CECR2: variants seen among roughly 807,000 people sequenced by gnomAD.
CECR2 encodes the protein CECR2 histone acetyl-lysine reader.
A neutral mutation model predicts 154.5 loss-of-function variants in CECR2; 30 were observed. The observed-to-expected ratio is 0.19, with a 90% confidence interval of 0.15 to 0.26. The LOEUF is 0.26. Ranked by LOEUF, CECR2 falls within the 10% of genes least tolerant of loss-of-function variation. CECR2 has a pLI of 1.00. For missense variants in CECR2, 1,743 were observed against 1,829.3 expected, an observed-to-expected ratio of 0.95 and a Z score of 0.86; for synonymous variants, 725 against 683.7, an observed-to-expected ratio of 1.06 and a Z score of -0.94.
In CECR2 at chr22:17,548,941, C is replaced by G; in HGVS notation, c.3654C>G (p.Pro1218=). The change falls in exon 17 of 19, where the codon CCC becomes CCG. Residue 1218 remains proline, a synonymous_variant. Transcript: ENST00000262608. ...SFSDWQRPLH[P]QGSPSGPPAS... Reference sequence around the variant, plus strand: ...CTGACTGGCAGAGACCTCTCCATCCCCAGGGAAGCCCAAGCGGACCCCCAG... The same window carrying G: ...CTGACTGGCAGAGACCTCTCCATCCGCAGGGAAGCCCAAGCGGACCCCCAG... 5.0e-6 allele frequency: 8 copies of G among 1,613,904 alleles called. No individual in the cohort carries two copies. Among genetic ancestry groups the G allele is most frequent in the Non-Finnish European group, 6.8e-6 (8 of 1,179,846 alleles).
chr22:17,417,104 C>T (rs909407401), intron 1 of CECR2, among the ~76,000 whole-genome samples: 3 of 151,088 alleles, frequency 2.0e-5, no homozygotes, highest in Non-Finnish European at 2.9e-5. Context: ...ATGTTTTACC[C>T]TCGTTAATTC....
intron 1 of CECR2, among the ~76,000 whole-genome samples, chr22:17,449,186 T>C (rs917203051): frequency 6.6e-6 from 1 of 151,942 alleles, no homozygotes; most frequent in African/African-American, 2.4e-5. Flanking sequence ...ACCTCTTTTA[T>C]CCCCCATTTA....
intron 1 of CECR2, among the ~76,000 whole-genome samples, chr22:17,431,270 T>C (rs1237863475): frequency 6.6e-6 from 1 of 152,252 alleles, no homozygotes; most frequent in African/African-American, 2.4e-5. Flanking sequence ...AACTGAAACT[T>C]ACAGTAATTA....
chr22:17,491,590 T>C (rs113487594), intron 2 of CECR2, among the ~76,000 whole-genome samples: 1 of 60,880 alleles, frequency 1.6e-5, no homozygotes, highest in African/African-American at 4.8e-5. Flanking sequence ...TGTGGGGGGG[T>C]GGGTGTTTAG....
chr22:17,429,556 A>AAAAAG (rs1569077256), intron 1 of CECR2, among the ~76,000 whole-genome samples: 2 of 150,384 alleles, frequency 1.3e-5, no homozygotes, highest in Non-Finnish European at 3.0e-5. Context: ...AAAAACAAAA[A>AAAAAG]CAAAGAAAAG....
intron 8 of CECR2, among the ~76,000 whole-genome samples, chr22:17,523,378 C>CAA (rs879394040): frequency 1.8e-4 from 24 of 132,176 alleles, no homozygotes; most frequent in African/African-American, 6.6e-4. Context: ...GATTCCATCT[C>CAA]AAAAAAAAAA....
In CECR2 at chr22:17,542,668, C is replaced by T. The variant is rs762336876; in HGVS notation, c.2525C>T (p.Pro842Leu). The T allele has an allele frequency of 9.3e-6, 15 of 1,613,892 alleles. No homozygotes were observed. The highest frequency in any genetic ancestry group is 2.2e-5 in the South Asian group (2 of 91,086). Reference protein sequence around the residue: ...HGVPSSGYMRPPCKSAGHRLQ... With the variant: ...HGVPSSGYMRLPCKSAGHRLQ... Reference sequence around the variant, plus strand: ...GTTCCTTCCTCAGGGTACATGCGACCGCCCTGCAAGTCTGCCGGACATCGG... The same window carrying T: ...GTTCCTTCCTCAGGGTACATGCGACTGCCCTGCAAGTCTGCCGGACATCGG... The change falls in exon 16 of 19, where the codon CCG (proline) becomes CTG (leucine). Residue 842 changes from proline to leucine, a missense_variant. Pro to Leu is a moderately conservative substitution (Grantham distance 98). Around this residue, in one of 4 missense-constraint regions of CECR2, gnomAD observed 1,250 missense variants for 1,192.1 expected, o/e 1.05. Coordinates refer to ENST00000262608, the MANE Select transcript of CECR2 (RefSeq NM_001290047.2).
At chr22:17,378,187 G>T (rs1269664062) in intron 1 of CECR2, among the ~76,000 whole-genome samples, 2 of 151,426 alleles carry the variant, frequency 1.3e-5, no homozygotes, top group Non-Finnish European at 2.9e-5. Context: ...GTTTCACCGT[G>T]TTAGCCAGGA....
At chr22:17,375,989 C>T (rs1002181900) in intron 1 of CECR2, among the ~76,000 whole-genome samples, 1 of 151,512 alleles carries the variant, frequency 6.6e-6, no homozygotes, top group Non-Finnish European at 1.5e-5. Context: ...TCCTTTGTCA[C>T]ACTAATCTAT....
At chr22:17,442,462 GC>G (rs1241182752) in intron 1 of CECR2, among the ~76,000 whole-genome samples, 1 of 152,158 alleles carries the variant, frequency 6.6e-6, no homozygotes, top group Non-Finnish European at 1.5e-5. Flanking sequence ...TGTAGTCCTA[GC>G]TACTAGGGAG....
intron 1 of CECR2, among the ~76,000 whole-genome samples, chr22:17,415,104 G>T (rs192665840): frequency 6.6e-6 from 1 of 152,152 alleles, no homozygotes; most frequent in Admixed American, 6.5e-5. Context: ...AGTGCCTAGC[G>T]GTGGGCACTA....
At chr22:17,523,612 C>T (rs879551359) in intron 8 of CECR2, among the ~76,000 whole-genome samples, 10 of 151,082 alleles carry the variant, frequency 6.6e-5, no homozygotes, top group African/African-American at 2.2e-4. Context: ...AAAAATTAGC[C>T]GGGCGTGGTG....
In CECR2 at chr22:17,523,010, GAAAAA is replaced by G. The variant is rs386819558; in HGVS notation, c.955-1102_955-1098del. ...ACAAAGCAAGACTCCATCTCGGGGG[GAAAAA>G]AAAAAGCCTGCTATCTAGGCAAGAT... is the stretch of plus-strand genomic sequence containing the variant. On this transcript the variant is annotated intron_variant, in intron 8 of 18. Transcript: ENST00000262608. Among the ~76,000 whole-genome samples, 1,149 of 146,076 alleles carry G rather than the reference GAAAAA, an allele frequency of 7.9e-3. 23 individuals carry two copies. Among genetic ancestry groups the G allele is most frequent in the Non-Finnish European group, 7.5e-3 (496 of 66,262 alleles).
At chr22:17,519,620 C>T (rs898701492) in intron 8 of CECR2, among the ~76,000 whole-genome samples, 3 of 152,004 alleles carry the variant, frequency 2.0e-5, no homozygotes, top group Non-Finnish European at 4.4e-5. Context: ...TTGAGGGGAG[C>T]ACTGTTAACT....
chr22:17,419,745 G>C (rs2054216779), intron 1 of CECR2: 2 of 175,292 alleles, frequency 1.1e-5, no homozygotes, highest in African/African-American at 1.0e-4. Context: ...CCAACAAGAT[G>C]ACATAGGTTT....
intron 2 of CECR2, among the ~76,000 whole-genome samples, chr22:17,495,885 A>G (rs939026847): frequency 6.0e-4 from 81 of 135,674 alleles, no homozygotes; most frequent in African/African-American, 2.0e-3. Flanking sequence ...AAAAAAAAAA[A>G]GGTATTTACA....
Position 17,378,273 on chromosome 22 carries a change from G to A in CECR2, c.126+8364G>A, listed in dbSNP as rs574114065. Among the ~76,000 whole-genome samples the A allele has an allele frequency of 1.7e-3, 245 of 147,894 alleles. 1 individual carries two copies. Among genetic ancestry groups the A allele is most frequent in the Non-Finnish European group, 2.5e-3 (167 of 67,228 alleles). ...GCTGGGATTACAGGTGTGAGCCACC[G>A]CGCTGGGCTGTTTTTTTGTTTTTTT... On this transcript the variant is annotated intron_variant, in intron 1 of 18. Transcript: ENST00000262608.
chr22:17,381,627 C>T (rs117125875), intron 1 of CECR2, among the ~76,000 whole-genome samples: 2,471 of 152,224 alleles, frequency 0.016, 96 homozygotes, highest in East Asian at 0.15. Flanking sequence ...ATTATTAATA[C>T]TGAGGTTGCA....
intron 1 of CECR2, among the ~76,000 whole-genome samples, chr22:17,444,064 C>A (rs570954945): frequency 6.0e-4 from 92 of 152,310 alleles, no homozygotes; most frequent in Non-Finnish European, 9.4e-4. Context: ...CACACATACG[C>A]ACTTGGCTGG....
Sources: allele counts gnomAD v4.1 joint callset (sites outside exome capture counted in the v4.1 genomes callset), GRCh38; gene constraint gnomAD v4.1.1; regional missense constraint gnomAD v4.1.1; transcripts MANE v1.5; gene names NCBI Gene and HGNC (gene_info 2026-07-23, HGNC 2026-07-21).